Variants in TTLL13 observed in about 807,000 individuals in gnomAD.
TTLL13 encodes the protein tubulin tyrosine ligase like 13.
chr15:90,259,144 C>A, the TTLL13 span: 2 of 1,114,916 alleles, frequency 1.8e-6, no homozygotes, highest in Non-Finnish European at 2.4e-6. Context: ...AGGAGGATTG[C>A]TTGAGCCCTA....
the TTLL13 span, chr15:90,253,244 T>C: frequency 1.2e-6 from 2 of 1,611,768 alleles, no homozygotes; most frequent in East Asian, 4.5e-5. Context: ...TCCCTGTCTC[T>C]GCAGTGCGTC....
chr15:90,257,760 C>G, the TTLL13 span: 1 of 1,593,152 alleles, frequency 6.3e-7, no homozygotes, highest in Non-Finnish European at 8.6e-7. Context: ...TCCTCTGCCC[C>G]TTAGCCCCAC....
At chr15:90,256,652 C>A in the TTLL13 span, among the ~76,000 whole-genome samples, 1 of 135,404 alleles carries the variant, frequency 7.4e-6, no homozygotes, top group Non-Finnish European at 1.6e-5. Flanking sequence ...TTTCTTTCTC[C>A]CTTTCCTTCC....
At chr15:90,256,012 C>CA in the TTLL13 span, 16 of 1,560,712 alleles carry the variant, frequency 1.0e-5, no homozygotes, top group Non-Finnish European at 1.4e-5. Flanking sequence ...TTCAGCTGGT[C>CA]AAAGAAAAGA....
chr15:90,259,122 G>T, the TTLL13 span: 1 of 1,309,476 alleles, frequency 7.6e-7, no homozygotes, highest in Non-Finnish European at 1.0e-6. Flanking sequence ...CAGCACTTTG[G>T]GAGGCTGAGG....
chr15:90,262,240 T>C, the TTLL13 span: 1 of 1,453,400 alleles, frequency 6.9e-7, no homozygotes, highest in African/African-American at 1.4e-5. Flanking sequence ...GGACAAGTCC[T>C]GAAGCTGCAT....
At chr15:90,260,867 A>AAG in the TTLL13 span, among the ~76,000 whole-genome samples, 63 of 151,272 alleles carry the variant, frequency 4.2e-4, no homozygotes, top group African/African-American at 1.5e-3. Context: ...AAAAAAAAAA[A>AAG]AGAGAGAAAG....
the TTLL13 span, chr15:90,264,693 T>A: frequency 6.5e-7 from 1 of 1,533,662 alleles, no homozygotes; most frequent in South Asian, 1.2e-5. Context: ...GAATACCAAC[T>A]CAGGGACATC....
chr15:90,263,948 C>G, the TTLL13 span: 1 of 1,534,068 alleles, frequency 6.5e-7, no homozygotes, highest in Non-Finnish European at 8.7e-7. Context: ...CATCTGCAGC[C>G]CAAGAACTTC....
the TTLL13 span, chr15:90,264,103 C>T: frequency 4.2e-3 from 5,181 of 1,243,330 alleles, 188 homozygotes; most frequent in African/African-American, 0.067. Context: ...ATATGTAAAT[C>T]CCACTAGCAA....
At chr15:90,255,858 TC>T in the TTLL13 span, 2 of 1,614,084 alleles carry the variant, frequency 1.2e-6, no homozygotes, top group Non-Finnish European at 1.7e-6. Flanking sequence ...TACAACATCT[TC>T]CCCCGCACCT....
chr15:90,255,932 G>T, the TTLL13 span: 1 of 1,613,046 alleles, frequency 6.2e-7, no homozygotes, highest in Non-Finnish European at 8.5e-7. Flanking sequence ...GGGAGGAAAA[G>T]GGTCGCTCTC....
At chr15:90,263,382 T>C in the TTLL13 span, 1 of 511,406 alleles carries the variant, frequency 2.0e-6, no homozygotes, top group South Asian at 3.0e-5. Context: ...ACCTTCTCAT[T>C]TACAGGAAAC....
the TTLL13 span, chr15:90,255,754 G>C: frequency 6.2e-7 from 1 of 1,614,024 alleles, no homozygotes; most frequent in African/African-American, 1.3e-5. Context: ...CTGTGTTTCA[G>C]AAAATCAACC....
the TTLL13 span, among the ~76,000 whole-genome samples, chr15:90,261,010 T>C: frequency 6.6e-6 from 1 of 152,084 alleles, no homozygotes; most frequent in African/African-American, 2.4e-5. Flanking sequence ...AGTAAGATTA[T>C]GGAAGGCTTT....
chr15:90,263,579 T>C, the TTLL13 span: 4 of 570,658 alleles, frequency 7.0e-6, no homozygotes, highest in Admixed American at 6.1e-5. Context: ...CCTGGGCTGG[T>C]AGCAAACCTG....
chr15:90,258,968 C>T, the TTLL13 span: 1 of 1,613,714 alleles, frequency 6.2e-7, no homozygotes, highest in African/African-American at 1.3e-5. Context: ...CTTCATTATT[C>T]CTGAGAGTAA....
chr15:90,261,552 G>A, the TTLL13 span, among the ~76,000 whole-genome samples: 1 of 151,980 alleles, frequency 6.6e-6, no homozygotes. Context: ...CAGCACTTTG[G>A]GAGGCCGAGG....
At chr15:90,254,201 TTAAA>T in the TTLL13 span, among the ~76,000 whole-genome samples, 28 of 110,704 alleles carry the variant, frequency 2.5e-4, no homozygotes, top group Admixed American at 7.2e-4. Flanking sequence ...TTTTTTTTTT[TTAAA>T]AAAAAAAGGC....
Sources: gnomAD v4.1 joint callset for allele counts (sites outside exome capture counted in the v4.1 genomes callset) on GRCh38, gnomAD v4.1.1 for gene constraint, MANE v1.5 for transcripts, NCBI Gene and HGNC (gene_info 2026-07-23, HGNC 2026-07-21) for gene names.